STPG2: variants seen among roughly 807,000 people sequenced by gnomAD.
STPG2 encodes sperm-tail PG-rich repeat-containing protein 2.
Under a neutral mutation model 54.2 loss-of-function variants are expected in STPG2, and 56 were observed. The observed-to-expected ratio is 1.03, with a 90% CI of 0.83 to 1.29. STPG2 has a LOEUF of 1.29. Ranked by LOEUF, STPG2 falls within the 50% of genes most tolerant of loss-of-function variation. The probability of loss-of-function intolerance (pLI) is 0.00; values close to 1 mark genes in which losing one functional copy is unlikely to be tolerated. For synonymous variants in STPG2, 200 were observed against 181.8 expected (o/e 1.10, Z -0.81); for missense variants, 596 against 544.9 (o/e 1.09, Z -0.93).
At chr4:97,489,653 T>G (rs1472969763) in intron 4 of STPG2, 2 of 151,622 alleles carry the variant, frequency 1.3e-5, no homozygotes, top group Admixed American at 1.3e-4. Context: ...TTCTTATACT[T>G]TGAATGTAAA....
chr4:97,996,818 A>C (rs1401020658), intron 5 of STPG2, among the ~76,000 whole-genome samples: 2 of 152,214 alleles, frequency 1.3e-5, no homozygotes, highest in Non-Finnish European at 2.9e-5. Flanking sequence ...CAACACAGCC[A>C]ACAAGCATAT....
chr4:97,684,845 T>C (rs1307284105), intron 10 of STPG2, among the ~76,000 whole-genome samples: 1 of 151,882 alleles, frequency 6.6e-6, no homozygotes, highest in Admixed American at 6.6e-5. Context: ...TCAAAACATA[T>C]ATATTTTAAA....
At chr4:98,005,474 G>GA (rs1405737451) in intron 5 of STPG2, among the ~76,000 whole-genome samples, 1 of 152,094 alleles carries the variant, frequency 6.6e-6, no homozygotes, top group African/African-American at 2.4e-5. Context: ...TCTGGATCTT[G>GA]AAAAAACGTT....
In STPG2 at chr4:97,828,520, C is replaced by A. The variant is rs374803323; in HGVS notation, c.1204+12253G>T. On this transcript the variant is annotated intron_variant, in intron 9 of 10. Transcript: ENST00000295268. ...TTTTTTTTTTTCCATATCCCAATGG[C>A]AACTGGAATTCCAGCAAGACAAAAC... Among the ~76,000 whole-genome samples, 426 of 152,006 alleles carry A rather than the reference C, an allele frequency of 2.8e-3. 3 individuals carry two copies. The highest frequency in any genetic ancestry group is 9.4e-3 in the African/African-American group (390 of 41,478).
At chr4:97,556,287 C>T (rs948663960), downstream of STPG2, among the ~76,000 whole-genome samples, 6 of 152,114 alleles carry the variant, frequency 3.9e-5, no homozygotes, top group Admixed American at 3.9e-4. Context: ...ATCAGTAATG[C>T]ATGGAATTAA....
At chr4:97,801,154 C>T (rs1055484436) in intron 9 of STPG2, among the ~76,000 whole-genome samples, 2 of 152,188 alleles carry the variant, frequency 1.3e-5, no homozygotes, top group Non-Finnish European at 2.9e-5. Flanking sequence ...CCTCGCCCTG[C>T]CTCAGCTCAT....
At chr4:97,493,175 C>T (rs1212486907) in intron 4 of STPG2, among the ~76,000 whole-genome samples, 1 of 150,788 alleles carries the variant, frequency 6.6e-6, no homozygotes, top group Non-Finnish European at 1.5e-5. Context: ...GTTATTACAG[C>T]CTCCAAACTG....
intron 8 of STPG2, among the ~76,000 whole-genome samples, chr4:97,891,085 C>G (rs570713429): frequency 6.6e-6 from 1 of 151,948 alleles, no homozygotes; most frequent in African/African-American, 2.4e-5. Context: ...CAAGGGAGAA[C>G]AGAACAGGGG....
chr4:98,027,715 G>T (rs1169741303), intron 5 of STPG2, among the ~76,000 whole-genome samples: 1 of 152,218 alleles, frequency 6.6e-6, no homozygotes, highest in African/African-American at 2.4e-5. Context: ...TCAAGGCCTA[G>T]GAATAACCTG....
At chr4:98,048,229 C>CT (rs1417443222) in intron 5 of STPG2, among the ~76,000 whole-genome samples, 5 of 152,052 alleles carry the variant, frequency 3.3e-5, no homozygotes, top group Non-Finnish European at 7.4e-5. Flanking sequence ...TTGGCTTTCT[C>CT]TTTTAATCTA....
intron 7 of STPG2, among the ~76,000 whole-genome samples, chr4:97,958,176 G>A (rs1341464406): frequency 6.6e-6 from 1 of 151,958 alleles, no homozygotes; most frequent in Non-Finnish European, 1.5e-5. Context: ...CAGGTGTGAT[G>A]GTGAGTGCCT....
intron 4 of STPG2, among the ~76,000 whole-genome samples, chr4:97,452,821 CT>C (rs1367198908): frequency 5.3e-5 from 8 of 152,172 alleles, no homozygotes; most frequent in Non-Finnish European, 1.2e-4. Flanking sequence ...CCAGGGTCTT[CT>C]CTCTGCTAGG....
chr4:97,622,961 G>A (rs1178397480), intron 10 of STPG2, among the ~76,000 whole-genome samples: 4 of 151,870 alleles, frequency 2.6e-5, no homozygotes, highest in Admixed American at 2.0e-4. Context: ...CAGAAATAAT[G>A]CCACACACCT....
At chr4:97,525,374 A>G (rs1401736241) in intron 4 of STPG2, among the ~76,000 whole-genome samples, 1 of 151,960 alleles carries the variant, frequency 6.6e-6, no homozygotes, top group East Asian at 1.9e-4. Flanking sequence ...GCCAGAGCCT[A>G]CATACTTCGT....
intron 9 of STPG2, among the ~76,000 whole-genome samples, chr4:97,736,602 G>A (rs1725005114): frequency 6.6e-6 from 1 of 152,142 alleles, no homozygotes; most frequent in South Asian, 2.1e-4. Flanking sequence ...GAGTCTCACT[G>A]ATTGCTAGCA....
intron 8 of STPG2, among the ~76,000 whole-genome samples, chr4:97,918,076 A>T (rs1315618512): frequency 6.6e-6 from 1 of 152,114 alleles, no homozygotes; most frequent in African/African-American, 2.4e-5. Context: ...AAGATAAAAA[A>T]AAACCTAAAT....
At chr4:98,106,905 A>G (rs1422233211) in intron 4 of STPG2, among the ~76,000 whole-genome samples, 2 of 152,328 alleles carry the variant, frequency 1.3e-5, no homozygotes, top group East Asian at 1.9e-4. Context: ...TTCAAAAAAA[A>G]TCTGATACCC....
chr4:97,566,220 G>A (rs1283486174), intron 10 of STPG2, among the ~76,000 whole-genome samples: 6 of 152,180 alleles, frequency 3.9e-5, no homozygotes, highest in African/African-American at 1.4e-4. Context: ...GATACTCCAT[G>A]GGCATAGGAC....
chr4:97,786,773 A>T (rs1293247784), intron 9 of STPG2, among the ~76,000 whole-genome samples: 1 of 152,196 alleles, frequency 6.6e-6, no homozygotes, highest in African/African-American at 2.4e-5. Flanking sequence ...CAATGCATTC[A>T]TGCTACACAG....
Sources: gnomAD v4.1 joint callset for allele counts (sites outside exome capture counted in the v4.1 genomes callset) on GRCh38, gnomAD v4.1.1 for gene constraint, MANE v1.5 for transcripts, NCBI Gene and HGNC (gene_info 2026-07-23, HGNC 2026-07-21) for gene names.